Variants in GPA33 observed in about 807,000 individuals in gnomAD.
GPA33 encodes cell surface A33 antigen.
In GPA33, 27 loss-of-function variants were observed where a neutral mutation model predicts 35.6. The observed-to-expected ratio is 0.76, with a 90% CI of 0.56 to 1.04. The LOEUF (loss-of-function observed/expected upper bound fraction) is 1.04, where lower values mean the gene tolerates loss of function less well. Among genes scored for constraint, GPA33 ranks in the 50% least tolerant of loss-of-function variants. GPA33 has a pLI of 0.00. For missense variants in GPA33, 428 were observed against 411.9 expected, an observed-to-expected ratio of 1.04 and a Z score of -0.34; for synonymous variants, 176 against 164.0, an observed-to-expected ratio of 1.07 and a Z score of -0.56.
At chr1:167,073,621 G>A in intron 1 of GPA33, 82 bp from the exon 2 acceptor site, 2 of 1,235,902 alleles carry the variant, frequency 1.6e-6, no homozygotes, top group East Asian at 2.5e-5. Flanking sequence ...GACCACTGAG[G>A]GAATGTCCAG....
rs1666152045 is a variant in GPA33 at position 167,053,164 on chromosome 1, G to C, written c.*1170C>G. Reference sequence around the variant, plus strand: ...AGCCCAAATGGGCTGGGCAGGGCCAGGGCTGAGGTATCGGGATGCAGGAAC... The same window carrying C: ...AGCCCAAATGGGCTGGGCAGGGCCACGGCTGAGGTATCGGGATGCAGGAAC... On this transcript the variant is annotated 3_prime_UTR_variant, in exon 7 of 7. Transcript: ENST00000367868. 1 of 152,270 alleles carries C rather than the reference G, an allele frequency of 6.6e-6. No individual in the cohort carries two copies. The highest frequency in any genetic ancestry group is 6.5e-5 in the Admixed American group (1 of 15,284). The allele number at this position is 152,270 out of a possible 1,614,324, so 9.4% of individuals were successfully genotyped here.
At chr1:167,089,098 C>A (rs768467808) in intron 1 of GPA33, among the ~76,000 whole-genome samples, 3 of 152,208 alleles carry the variant, frequency 2.0e-5, no homozygotes, top group South Asian at 2.1e-4. Context: ...CTTGAGCCAG[C>A]CTGAGAGAAT....
intron 2 of GPA33, 42 bp downstream of exon 2, chr1:167,073,343 A>G (rs777636368): frequency 1.3e-6 from 2 of 1,562,506 alleles, no homozygotes; most frequent in South Asian, 2.3e-5. Flanking sequence ...TGGTCAGGTG[A>G]TAATCATTCC....
chr1:167,060,752 C>T lies in GPA33; in HGVS notation c.571+2830G>A, dbSNP rs145075771. 2.0e-3 allele frequency among the ~76,000 whole-genome samples: 307 copies of T among 152,262 alleles called. 2 individuals carry two copies. The highest frequency in any genetic ancestry group is 6.2e-3 in the African/African-American group (257 of 41,534). On this transcript the variant is annotated intron_variant, in intron 4 of 6. Coordinates refer to ENST00000367868, the MANE Select transcript of GPA33 (RefSeq NM_005814.3). ...TTTGTGAGGCTCCTCAGAAGGTACC[C>T]GTGGCTTACAGGGCAAAGACGAACC...
chr1:167,064,014 T>G (rs951107476), intron 3 of GPA33, among the ~76,000 whole-genome samples: 9 of 152,112 alleles, frequency 5.9e-5, no homozygotes, highest in African/African-American at 2.2e-4. Flanking sequence ...GTGTTCTAGT[T>G]TACAGTCATG....
intron 4 of GPA33, among the ~76,000 whole-genome samples, chr1:167,059,444 T>C (rs1254322739): frequency 6.6e-6 from 1 of 152,138 alleles, no homozygotes; most frequent in African/African-American, 2.4e-5. Context: ...AAGACGCTAA[T>C]GTCACGTTGA....
intron 4 of GPA33, among the ~76,000 whole-genome samples, chr1:167,056,731 T>C (rs1434051559): frequency 1.1e-4 from 9 of 82,388 alleles, no homozygotes; most frequent in Non-Finnish European, 1.5e-4. Flanking sequence ...GTGTGTGATG[T>C]ATGTGGTGTG....
intron 4 of GPA33, among the ~76,000 whole-genome samples, chr1:167,056,858 T>C (rs1184823269): frequency 8.0e-5 from 3 of 37,536 alleles, no homozygotes; most frequent in African/African-American, 2.0e-4. Context: ...ATGTGTGTGG[T>C]GTGTGTGTGG....
intron 2 of GPA33, among the ~76,000 whole-genome samples, 160 bp from the exon 3 acceptor site, chr1:167,069,298 G>T (rs192290054): frequency 6.6e-6 from 1 of 152,080 alleles, no homozygotes; most frequent in African/African-American, 2.4e-5. Flanking sequence ...ACCCATTTGT[G>T]GATTTCTTGT....
At chr1:167,060,490 C>T (rs569545724) in intron 4 of GPA33, among the ~76,000 whole-genome samples, 6 of 152,326 alleles carry the variant, frequency 3.9e-5, no homozygotes, top group Non-Finnish European at 4.4e-5. Flanking sequence ...TGGACATTAA[C>T]CATATTCTTT....
intron 4 of GPA33, among the ~76,000 whole-genome samples, chr1:167,058,031 T>C (rs146959444): frequency 0.011 from 1,684 of 152,226 alleles, 17 homozygotes; most frequent in Non-Finnish European, 0.016. Flanking sequence ...AAACCCCGTC[T>C]CTACTACAAA....
intron 4 of GPA33, among the ~76,000 whole-genome samples, chr1:167,062,627 G>A (rs545621520): frequency 1.5e-5 from 2 of 130,416 alleles, no homozygotes; most frequent in East Asian, 4.6e-4. Context: ...AGGATGGTAG[G>A]ATTTTTATAT....
At chr1:167,074,952 G>A (rs902253885) in intron 1 of GPA33, among the ~76,000 whole-genome samples, 1 of 143,236 alleles carries the variant, frequency 7.0e-6, no homozygotes, top group African/African-American at 2.7e-5. Context: ...TCTGTTGCCA[G>A]GCTGGAGTGC....
chr1:167,083,296 T>C (rs540903399), intron 1 of GPA33, among the ~76,000 whole-genome samples: 1 of 152,162 alleles, frequency 6.6e-6, no homozygotes, highest in Admixed American at 6.5e-5. Flanking sequence ...CAGGAACATT[T>C]TGAGAGAAGC....
chr1:167,057,266 T>C (rs955522663), intron 4 of GPA33, among the ~76,000 whole-genome samples: 9 of 152,116 alleles, frequency 5.9e-5, no homozygotes, highest in Admixed American at 2.0e-4. Context: ...TCTATCATCC[T>C]ATGAATTTCT....
chr1:167,057,303 T>C (rs114554870), intron 4 of GPA33, among the ~76,000 whole-genome samples: 225 of 152,236 alleles, frequency 1.5e-3, no homozygotes, highest in African/African-American at 5.3e-3. Context: ...AGCTTTGTGC[T>C]TGGGCATATG....
At chr1:167,080,533 A>C (rs1230563799) in intron 1 of GPA33, among the ~76,000 whole-genome samples, 7 of 152,220 alleles carry the variant, frequency 4.6e-5, no homozygotes, top group African/African-American at 1.7e-4. Context: ...AAGAGCACAA[A>C]CATTGCAGCC....
At chr1:167,085,430 C>A (rs985227658) in intron 1 of GPA33, among the ~76,000 whole-genome samples, 2 of 152,168 alleles carry the variant, frequency 1.3e-5, no homozygotes, top group African/African-American at 4.8e-5. Context: ...TCCTGGTGAC[C>A]AGCATCACAA....
intron 2 of GPA33, among the ~76,000 whole-genome samples, chr1:167,069,684 T>C (rs1217584080): frequency 6.6e-6 from 1 of 152,240 alleles, no homozygotes; most frequent in African/African-American, 2.4e-5. Context: ...CTGCTTCAAT[T>C]CAAATCCCCA....
Sources: gnomAD v4.1 joint callset for allele counts (sites outside exome capture counted in the v4.1 genomes callset) on GRCh38, gnomAD v4.1.1 for gene constraint, MANE v1.5 for transcripts, NCBI Gene and HGNC (gene_info 2026-07-23, HGNC 2026-07-21) for gene names.